Variants in PPAT observed in about 807,000 individuals in gnomAD.
PPAT encodes amidophosphoribosyltransferase.
In PPAT, 20 loss-of-function variants were observed where a neutral mutation model predicts 60.2. That is an observed-to-expected ratio of 0.33 (90% confidence interval 0.23 to 0.48). The LOEUF (loss-of-function observed/expected upper bound fraction) is 0.48, where lower values mean the gene tolerates loss of function less well. Ranked by LOEUF, PPAT falls within the 20% of genes least tolerant of loss-of-function variation. The probability of loss-of-function intolerance (pLI) is 0.99; values close to 1 mark genes in which losing one functional copy is unlikely to be tolerated. For missense variants in PPAT, 349 were observed against 629.6 expected (o/e 0.55, Z 4.77); for synonymous variants, 194 against 215.1 (o/e 0.90, Z 0.86).
At chr4:56,406,455 C>T (rs1716243592) in intron 3 of PPAT, 40 bp downstream of exon 3, 10 of 1,571,178 alleles carry the variant, frequency 6.4e-6, no homozygotes, top group Admixed American at 1.7e-5. Flanking sequence ...CCATCCTAAT[C>T]ATTTAAAAAG....
chr4:56,421,415 T>C (rs1717031201), intron 1 of PPAT: 1 of 152,476 alleles, frequency 6.6e-6, no homozygotes, highest in Admixed American at 6.5e-5. Context: ...CCCAAAACCA[T>C]GGCCCCCTCA....
At chr4:56,429,203 T>C (rs1267374759) in intron 1 of PPAT, among the ~76,000 whole-genome samples, 1 of 152,150 alleles carries the variant, frequency 6.6e-6, no homozygotes, top group East Asian at 1.9e-4. Context: ...GAGCTAGAGT[T>C]TATATTTTAA....
intron 9 of PPAT, among the ~76,000 whole-genome samples, chr4:56,397,331 A>G (rs534366443): frequency 6.6e-6 from 1 of 152,320 alleles, no homozygotes; most frequent in Admixed American, 6.5e-5. Context: ...ATTGCAATAA[A>G]TGATGAAATT....
At chr4:56,418,980 C>G (rs968536735) in intron 1 of PPAT, among the ~76,000 whole-genome samples, 2 of 152,196 alleles carry the variant, frequency 1.3e-5, no homozygotes, top group Non-Finnish European at 2.9e-5. Context: ...TTTAGTCTTT[C>G]TGTAATTTTC....
At chr4:56,416,985 G>A (rs550119001) in intron 1 of PPAT, among the ~76,000 whole-genome samples, 370 of 152,262 alleles carry the variant, frequency 2.4e-3, no homozygotes, top group Non-Finnish European at 3.7e-3. Flanking sequence ...GACTAGCTGG[G>A]ATTACAGGAG....
rs1715980124 is a variant in PPAT, at chr4:56,396,928, G to C, written c.1237-189C>G. Reference sequence around the variant, plus strand: ...AATCATGAGGAAGTTTCTTTGTCTAGATATCCTACTTCTCATTTGATGTCT... The same window carrying C: ...AATCATGAGGAAGTTTCTTTGTCTACATATCCTACTTCTCATTTGATGTCT... On this transcript the variant is annotated intron_variant, in intron 9 of 10. Transcript: ENST00000264220. The surrounding 1 kb of genome is among the most constrained non-coding windows in gnomAD (Gnocchi z 4.6). The C allele has an allele frequency of 2.2e-6, 1 of 449,916 alleles. No individual in the cohort carries two copies. Among genetic ancestry groups the C allele is most frequent in the Non-Finnish European group, 3.8e-6 (1 of 266,610 alleles). 27.9% of individuals were successfully genotyped at this position (449,916 alleles called of 1,614,324 possible). A position where few individuals can be genotyped will look rare whatever the true frequency, so the allele number is the denominator to read the frequency against.
chr4:56,426,037 T>C (rs1717266238), intron 1 of PPAT, among the ~76,000 whole-genome samples: 1 of 152,132 alleles, frequency 6.6e-6, no homozygotes, highest in South Asian at 2.1e-4. Flanking sequence ...ATAACTGTGG[T>C]TTTTAGTATA....
chr4:56,413,546 C>G (rs1716572557), intron 1 of PPAT, among the ~76,000 whole-genome samples: 1 of 152,188 alleles, frequency 6.6e-6, no homozygotes, highest in Non-Finnish European at 1.5e-5. Flanking sequence ...GAATCACTGT[C>G]ATGCAAAATT....
At chr4:56,410,668 A>C in intron 1 of PPAT, 2 of 986,510 alleles carry the variant, frequency 2.0e-6, no homozygotes, top group Non-Finnish European at 2.4e-6. Flanking sequence ...AATCATTAGG[A>C]GTATACAGAG....
chr4:56,399,085 G>GA, intron 9 of PPAT, 94 bp downstream of exon 9: 2 of 1,048,060 alleles, frequency 1.9e-6, no homozygotes, highest in Non-Finnish European at 2.8e-6. Flanking sequence ...TTATTATATT[G>GA]AACATCCATT....
At chr4:56,427,642 TAAAA>T (rs3036919) in intron 1 of PPAT, among the ~76,000 whole-genome samples, 2 of 140,492 alleles carry the variant, frequency 1.4e-5, no homozygotes, top group Non-Finnish European at 1.5e-5. Context: ...CCCTGTCTCT[TAAAA>T]AAAAAAAAAA....
At chr4:56,408,434 CAAAAAA>C (rs34049939) in intron 1 of PPAT, 4,024 of 100,488 alleles carry the variant, frequency 0.04, 94 homozygotes, top group Middle Eastern at 0.15. Context: ...GACTCCGTCT[CAAAAAA>C]AAAAAAAAAA....
chr4:56,402,657 A>G (rs1716141487), intron 5 of PPAT, among the ~76,000 whole-genome samples: 1 of 151,944 alleles, frequency 6.6e-6, no homozygotes, highest in Non-Finnish European at 1.5e-5. Context: ...TCTCTACTAA[A>G]AATACAAAAT....
chr4:56,417,205 A>G (rs1047610696), intron 1 of PPAT, among the ~76,000 whole-genome samples: 1 of 152,258 alleles, frequency 6.6e-6, no homozygotes, highest in African/African-American at 2.4e-5. Flanking sequence ...CTTACATAAT[A>G]GAAAAACTTA....
intron 1 of PPAT, among the ~76,000 whole-genome samples, chr4:56,426,804 G>A (rs1193265722): frequency 1.3e-5 from 2 of 152,038 alleles, no homozygotes; most frequent in East Asian, 3.9e-4. Context: ...CCATAAGTAC[G>A]TTCACGTTGT....
At chr4:56,433,845 T>A (rs1303719419) in intron 1 of PPAT, among the ~76,000 whole-genome samples, 1 of 152,088 alleles carries the variant, frequency 6.6e-6, no homozygotes, top group Admixed American at 6.6e-5. Context: ...CAGGAGCGCA[T>A]CACCACACCC....
intron 1 of PPAT, among the ~76,000 whole-genome samples, chr4:56,416,698 C>G (rs1440644302): frequency 6.6e-6 from 1 of 152,164 alleles, no homozygotes; most frequent in Non-Finnish European, 1.5e-5. Flanking sequence ...GATGGCTAAA[C>G]TTACTCATAG....
At chr4:56,420,855 A>G (rs563623424) in intron 1 of PPAT, 2 of 152,368 alleles carry the variant, frequency 1.3e-5, no homozygotes, top group East Asian at 3.9e-4. Context: ...ACACTAAGAC[A>G]TGATAGCATG....
chr4:56,423,832 C>G (rs1215685024), intron 1 of PPAT, among the ~76,000 whole-genome samples: 1 of 151,888 alleles, frequency 6.6e-6, no homozygotes, highest in African/African-American at 2.4e-5. Flanking sequence ...CAGCTAAATA[C>G]GTAAGAAAAA....
Sources: gnomAD v4.1 joint callset for allele counts (sites outside exome capture counted in the v4.1 genomes callset) on GRCh38, gnomAD v4.1.1 for gene constraint, Gnocchi (gnomAD v3.1) non-coding constraint, MANE v1.5 for transcripts, NCBI Gene and HGNC (gene_info 2026-07-23, HGNC 2026-07-21) for gene names.